Variants in TENM3 observed in about 807,000 individuals in gnomAD.
TENM3 encodes the protein teneurin transmembrane protein 3.
A neutral mutation model predicts 255.1 loss-of-function variants in TENM3; 63 were observed. The observed-to-expected ratio is 0.25, with a 90% confidence interval of 0.20 to 0.30. The LOEUF is 0.30. Among genes scored for constraint, TENM3 ranks in the 10% least tolerant of loss-of-function variants. The probability of loss-of-function intolerance (pLI) is 1.00; values close to 1 mark genes in which losing one functional copy is unlikely to be tolerated. For synonymous variants in TENM3, 1,306 were observed against 1,322.3 expected, an observed-to-expected ratio of 0.99 and a Z score of 0.27; for missense variants, 2,929 against 3,461.1, an observed-to-expected ratio of 0.85 and a Z score of 3.86.
intron 1 of TENM3, among the ~76,000 whole-genome samples, chr4:182,186,332 A>G (rs1486525592): frequency 3.9e-5 from 6 of 152,128 alleles, no homozygotes; most frequent in African/African-American, 1.4e-4. Flanking sequence ...GATGAAACTG[A>G]TATATGATCA....
Position 182,754,770 on chromosome 4 carries a change from A to T in TENM3, c.4403A>T (p.Asp1468Val). 1 of 1,614,070 alleles carries T rather than the reference A, an allele frequency of 6.2e-7. No homozygotes were observed. The highest frequency in any genetic ancestry group is 1.1e-5 in the South Asian group (1 of 91,084). Residue 1468 changes from aspartate (D) to valine (V), a missense_variant, in exon 22 of 28, where the codon GAT becomes GTT. Physicochemically the swap from Asp to Val is radical, Grantham distance 152 (BLOSUM62 -3). This residue lies in a region of TENM3 where 1,608 missense variants were observed against 1,884.4 expected (regional missense o/e 0.85). Transcript: ENST00000511685. The surrounding 1 kb of genome is among the most constrained non-coding windows in gnomAD (Gnocchi z 5.1). Reference protein sequence around the residue: ...CYQSGDGYAKDAKLSAPSSLA... With the variant: ...CYQSGDGYAKVAKLSAPSSLA... ...CAGAGTGGAGATGGCTACGCCAAGGATGCCAAACTCAGTGCCCCATCCTCC... is the reference window on the plus strand; with the variant it reads ...CAGAGTGGAGATGGCTACGCCAAGGTTGCCAAACTCAGTGCCCCATCCTCC...
intron 4 of TENM3, among the ~76,000 whole-genome samples, chr4:182,613,345 C>G (rs12171490): frequency 0.014 from 2,172 of 152,162 alleles, 54 homozygotes; most frequent in African/African-American, 0.05. Context: ...GACTGTAAAG[C>G]GATTTTAGTC....
At chr4:181,914,657 G>A in the TENM3 span, among the ~76,000 whole-genome samples, 1 of 152,262 alleles carries the variant, frequency 6.6e-6, no homozygotes. Flanking sequence ...ATGTTTGAAG[G>A]CAGAACAGAA....
the TENM3 span, among the ~76,000 whole-genome samples, chr4:182,096,604 G>C: frequency 6.6e-6 from 1 of 152,142 alleles, no homozygotes; most frequent in Non-Finnish European, 1.5e-5. Flanking sequence ...CAGATATTGC[G>C]CATCCTTTAC....
chr4:182,132,920 A>C, the TENM3 span, among the ~76,000 whole-genome samples: 5 of 152,170 alleles, frequency 3.3e-5, no homozygotes, highest in Non-Finnish European at 7.3e-5. Flanking sequence ...AAAATGAGGA[A>C]AATAATAGTA....
intron 2 of TENM3, among the ~76,000 whole-genome samples, chr4:182,325,320 C>A (rs550059925): frequency 7.9e-5 from 12 of 152,276 alleles, no homozygotes; most frequent in African/African-American, 2.9e-4. Flanking sequence ...CTTTTCTTCC[C>A]TGCATTGTGC....
At chr4:181,938,845 CT>C in the TENM3 span, among the ~76,000 whole-genome samples, 1 of 152,268 alleles carries the variant, frequency 6.6e-6, no homozygotes, top group African/African-American at 2.4e-5. Flanking sequence ...ATAAAAGACT[CT>C]TTTAATAGGA....
the TENM3 span, among the ~76,000 whole-genome samples, chr4:181,614,219 C>A: frequency 0.024 from 3,710 of 152,016 alleles, 62 homozygotes; most frequent in Admixed American, 0.059. Flanking sequence ...CCAAATATTT[C>A]AGAATTACTA....
the TENM3 span, among the ~76,000 whole-genome samples, chr4:181,930,084 A>C: frequency 6.6e-6 from 1 of 152,208 alleles, no homozygotes; most frequent in Non-Finnish European, 1.5e-5. Flanking sequence ...AAGATCTAAA[A>C]TCGACACCCT....
chr4:181,846,391 G>C, the TENM3 span, among the ~76,000 whole-genome samples: 1 of 152,086 alleles, frequency 6.6e-6, no homozygotes, highest in Non-Finnish European at 1.5e-5. Flanking sequence ...ATTCTAGATT[G>C]TTTAATAGGA....
At chr4:181,780,715 C>T in the TENM3 span, among the ~76,000 whole-genome samples, 1 of 152,152 alleles carries the variant, frequency 6.6e-6, no homozygotes, top group African/African-American at 2.4e-5. Context: ...CTTGCACATG[C>T]CTATGTCCTG....
chr4:182,675,719 C>T (rs1755614208), intron 7 of TENM3, among the ~76,000 whole-genome samples: 1 of 152,040 alleles, frequency 6.6e-6, no homozygotes, highest in Non-Finnish European at 1.5e-5. Flanking sequence ...AAGCTGAGCA[C>T]AATAGTAAAC....
At chr4:181,872,264 C>A in the TENM3 span, among the ~76,000 whole-genome samples, 139,147 of 150,996 alleles carry the variant, frequency 0.92, 65,194 homozygotes, top group East Asian at 1. Context: ...ATTTATATAT[C>A]TATAAAGTTA....
At chr4:181,501,546 TG>T in the TENM3 span, among the ~76,000 whole-genome samples, 2 of 151,852 alleles carry the variant, frequency 1.3e-5, no homozygotes, top group African/African-American at 4.8e-5. Context: ...TCTGGCTAAT[TG>T]TTTTGTATTT....
chr4:182,261,885 G>T (rs746412704), intron 1 of TENM3, among the ~76,000 whole-genome samples: 46 of 152,214 alleles, frequency 3.0e-4, no homozygotes, highest in Non-Finnish European at 2.1e-4. Context: ...TGTGGATCGT[G>T]TAGGCAGCCT....
the TENM3 span, among the ~76,000 whole-genome samples, chr4:181,782,246 G>T: frequency 6.6e-6 from 1 of 152,026 alleles, no homozygotes; most frequent in Admixed American, 6.6e-5. Context: ...AATCCGTCTG[G>T]CCCTGGACTT....
chr4:182,782,991 G>A (rs1765300683), intron 24 of TENM3, among the ~76,000 whole-genome samples: 1 of 151,278 alleles, frequency 6.6e-6, no homozygotes, highest in Non-Finnish European at 1.5e-5. Context: ...CACACTGATG[G>A]GTCTTGACTC....
intron 3 of TENM3, among the ~76,000 whole-genome samples, chr4:182,363,367 A>C (rs1325606821): frequency 6.6e-6 from 1 of 151,908 alleles, no homozygotes; most frequent in Non-Finnish European, 1.5e-5. Flanking sequence ...GTATATATTG[A>C]TATATGTGTG....
intron 3 of TENM3, among the ~76,000 whole-genome samples, chr4:182,400,136 C>G (rs2151024270): frequency 6.6e-6 from 1 of 152,120 alleles, no homozygotes; most frequent in Admixed American, 6.5e-5. Context: ...GCATTTTCAG[C>G]TTTAGTATTT....
Sources: allele counts gnomAD v4.1 joint callset (sites outside exome capture counted in the v4.1 genomes callset), GRCh38; gene constraint gnomAD v4.1.1; regional missense constraint gnomAD v4.1.1; non-coding constraint Gnocchi (gnomAD v3.1); transcripts MANE v1.5; gene names NCBI Gene and HGNC (gene_info 2026-07-23, HGNC 2026-07-21).